The following CEP20 variants were observed in gnomAD, a reference collection of about 807,000 sequenced individuals.
CEP20 encodes the protein centrosomal protein 20.
CEP20 carries 18 observed loss-of-function variants against 20.0 expected under a neutral mutation model. The ratio of observed to expected loss-of-function variants is 0.90; its 90% CI spans 0.62 to 1.34. The LOEUF is 1.34. Ranked by LOEUF, CEP20 falls within the 40% of genes most tolerant of loss-of-function variation. The probability of loss-of-function intolerance (pLI) is 0.00; values close to 1 mark genes in which losing one functional copy is unlikely to be tolerated. For synonymous variants in CEP20, 77 were observed against 73.7 expected (o/e 1.04, Z -0.23); for missense variants, 215 against 201.6 (o/e 1.07, Z -0.40).
At chr16:15,878,583 G>A (rs1026494698) in intron 3 of CEP20, among the ~76,000 whole-genome samples, 4 of 150,930 alleles carry the variant, frequency 2.7e-5, no homozygotes, top group African/African-American at 4.9e-5. Context: ...TGCAACCTCC[G>A]CTGCCCAGGT....
chr16:15,867,364 T>G lies in CEP20; in HGVS notation c.*76A>C. On this transcript the variant is annotated 3_prime_UTR_variant, in exon 5 of 5. Coordinates refer to ENST00000255759, the MANE Select transcript of CEP20 (RefSeq NM_144600.4). ...TTCTACAAACATTAGTGGTGCATTT[T>G]GGTAACATTGGGACAATAAATAAGT... 1 of 1,123,640 alleles carries G rather than the reference T, an allele frequency of 8.9e-7. No homozygotes were observed. The highest frequency in any genetic ancestry group is 2.7e-5 in the East Asian group (1 of 36,866). 69.6% of individuals were successfully genotyped at this position (1,123,640 alleles called of 1,614,324 possible).
At chr16:15,880,821 G>A (rs1374966471) in intron 2 of CEP20, among the ~76,000 whole-genome samples, 4 of 151,974 alleles carry the variant, frequency 2.6e-5, no homozygotes, top group East Asian at 3.9e-4. Flanking sequence ...TCATAGAAGC[G>A]TGAACCCTAT....
intron 1 of CEP20, among the ~76,000 whole-genome samples, chr16:15,888,247 G>A (rs1337017449): frequency 6.6e-6 from 1 of 152,070 alleles, no homozygotes; most frequent in African/African-American, 2.4e-5. Flanking sequence ...CCAGCCCCCG[G>A]CAGGGTCCAA....
chr16:15,871,387 G>C (rs991150024), intron 4 of CEP20, among the ~76,000 whole-genome samples: 1 of 152,126 alleles, frequency 6.6e-6, no homozygotes, highest in Non-Finnish European at 1.5e-5. Context: ...GAGTTAGGGA[G>C]AGGCAAGAAG....
intron 1 of CEP20, 33 bp downstream of exon 1, chr16:15,888,525 T>C (rs1339275077): frequency 6.2e-7 from 1 of 1,614,058 alleles, no homozygotes; most frequent in Non-Finnish European, 8.5e-7. Context: ...GGCCCGACGC[T>C]TCCCATGTGG....
chr16:15,873,956 C>A (rs926604317), intron 3 of CEP20, among the ~76,000 whole-genome samples: 8 of 152,198 alleles, frequency 5.3e-5, no homozygotes, highest in Non-Finnish European at 7.3e-5. Flanking sequence ...CAATACCTAA[C>A]CCCATCTAAT....
intron 3 of CEP20, among the ~76,000 whole-genome samples, chr16:15,876,390 G>A (rs1280319624): frequency 1.3e-5 from 2 of 151,722 alleles, no homozygotes; most frequent in East Asian, 1.9e-4. Context: ...CAGGAGAATC[G>A]CTTGAACCTG....
At chr16:15,878,687 A>T (rs2045016544) in intron 3 of CEP20, among the ~76,000 whole-genome samples, 1 of 151,926 alleles carries the variant, frequency 6.6e-6, no homozygotes, top group Non-Finnish European at 1.5e-5. Context: ...TTTAGTAGAG[A>T]TGGGGTTTCG....
At chr16:15,872,482 G>T (rs1006252239) in intron 4 of CEP20, among the ~76,000 whole-genome samples, 1 of 152,072 alleles carries the variant, frequency 6.6e-6, no homozygotes, top group African/African-American at 2.4e-5. Context: ...GGCTGAGGTG[G>T]GAAATCACTT....
At chr16:15,880,958 C>T (rs2045082700) in intron 2 of CEP20, among the ~76,000 whole-genome samples, 1 of 151,882 alleles carries the variant, frequency 6.6e-6, no homozygotes, top group African/African-American at 2.4e-5. Flanking sequence ...AGGCTTAGGG[C>T]TCCCACTGAT....
chr16:15,867,437 G>A lies in CEP20; in HGVS notation c.*3C>T. The A allele has an allele frequency of 6.3e-7, 1 of 1,584,724 alleles. No homozygotes were observed. Among genetic ancestry groups the A allele is most frequent in the Non-Finnish European group, 8.6e-7 (1 of 1,162,968 alleles). ...TAAGACAAAAGATACCCCAAACAAA[G>A]CATTATCTGTTGACTGCCTGAGAAA... On this transcript the variant is annotated 3_prime_UTR_variant, in exon 5 of 5. Coordinates refer to ENST00000255759, the MANE Select transcript of CEP20 (RefSeq NM_144600.4).
intron 2 of CEP20, among the ~76,000 whole-genome samples, chr16:15,881,102 T>C (rs12598258): frequency 0.069 from 10,511 of 152,228 alleles, 480 homozygotes; most frequent in East Asian, 0.22. Flanking sequence ...TTGTCTTCCA[T>C]GAAACCAGTC....
At chr16:15,882,346 C>T (rs1293805031) in intron 2 of CEP20, among the ~76,000 whole-genome samples, 1 of 152,092 alleles carries the variant, frequency 6.6e-6, no homozygotes, top group Non-Finnish European at 1.5e-5. Context: ...CTGAGACCAT[C>T]CTGGCTAACG....
chr16:15,867,568 G>A, intron 4 of CEP20, 52 bp from the exon 5 acceptor site: 1 of 1,225,084 alleles, frequency 8.2e-7, no homozygotes, highest in Non-Finnish European at 1.2e-6. Flanking sequence ...AAAACACACA[G>A]ATAGGTAGAC....
Position 15,888,566 on chromosome 16 carries a change from A to G in CEP20, c.20T>C (p.Leu7Ser). The change falls in exon 1 of 5, where the codon TTG becomes TCG. Residue 7 changes from leucine (L) to serine (S), a missense_variant. Coordinates refer to ENST00000255759, the MANE Select transcript of CEP20 (RefSeq NM_144600.4). The part of the protein sequence containing the change: MATVAE[L>S]KAVLKDTLEK... ...TCCCTGCTCGCACTCACCAGCCTTC[A>G]ACTCTGCCACAGTCGCCATTTTTCA... The G allele has an allele frequency of 6.2e-7, 1 of 1,614,164 alleles. No homozygotes were observed.
intron 3 of CEP20, among the ~76,000 whole-genome samples, chr16:15,876,361 G>T (rs549379254): frequency 3.2e-4 from 48 of 152,054 alleles, no homozygotes; most frequent in African/African-American, 1.1e-3. Context: ...TATAGTCCCA[G>T]CTACTTGGGA....
chr16:15,875,811 T>G (rs564797041), intron 3 of CEP20, among the ~76,000 whole-genome samples: 2 of 152,020 alleles, frequency 1.3e-5, no homozygotes, highest in Non-Finnish European at 1.5e-5. Flanking sequence ...TGTGAAAACA[T>G]TAATGTGCTG....
chr16:15,867,186 T>G lies in CEP20; in HGVS notation c.*254A>C. ...TCGTGCCACTGCACTCCAGTCTGGG[T>G]GACAGAGCGAGACTCCATCTCAAAA... is the stretch of plus-strand genomic sequence containing the variant. On this transcript the variant is annotated 3_prime_UTR_variant, in exon 5 of 5. Transcript: ENST00000255759. 1 of 285,138 alleles carries G rather than the reference T, an allele frequency of 3.5e-6. No individual in the cohort carries two copies. The highest frequency in any genetic ancestry group is 6.6e-6 in the Non-Finnish European group (1 of 150,642). 17.7% of individuals were successfully genotyped at this position (285,138 alleles called of 1,614,324 possible).
At chr16:15,883,255 C>T (rs919093720) in intron 2 of CEP20, among the ~76,000 whole-genome samples, 3 of 152,044 alleles carry the variant, frequency 2.0e-5, no homozygotes, top group African/African-American at 4.8e-5. Flanking sequence ...CCCAGCTACT[C>T]AGGAGACTGA....
Sources: gnomAD v4.1 joint callset for allele counts (sites outside exome capture counted in the v4.1 genomes callset) on GRCh38, gnomAD v4.1.1 for gene constraint, MANE v1.5 for transcripts, NCBI Gene and HGNC (gene_info 2026-07-23, HGNC 2026-07-21) for gene names.